Variants in UBE2M observed in about 807,000 individuals in gnomAD.
UBE2M encodes NEDD8-conjugating enzyme Ubc12.
In UBE2M, 2 loss-of-function variants were observed where a neutral mutation model predicts 23.5. The ratio of observed to expected loss-of-function variants is 0.09; its 90% CI spans 0.03 to 0.27. The LOEUF (loss-of-function observed/expected upper bound fraction) is 0.27. Ranked by LOEUF, UBE2M falls within the 10% of genes least tolerant of loss-of-function variation. The pLI is 1.00. For synonymous variants in UBE2M, 97 were observed against 95.2 expected, an observed-to-expected ratio of 1.02 and a Z score of -0.11; for missense variants, 103 against 232.9, an observed-to-expected ratio of 0.44 and a Z score of 3.63.
rs767937757 is a variant in UBE2M at position 58,556,193 on chromosome 19, C to T, written c.448G>A (p.Ala150Thr). 6.2e-7 allele frequency: 1 copy of T among 1,614,132 alleles called. No homozygotes were observed. The highest frequency in any genetic ancestry group is 8.5e-7 in the Non-Finnish European group (1 of 1,180,012). Reference protein sequence around the residue: ...NPEDPLNKEAAEVLQNNRRLF... With the variant: ...NPEDPLNKEATEVLQNNRRLF... ...CGCCGGTTGTTCTGCAGGACCTCTGCGGCCTCCTTGTTCAGTGGGTCCTCG... is the reference window on the plus strand; with the variant it reads ...CGCCGGTTGTTCTGCAGGACCTCTGTGGCCTCCTTGTTCAGTGGGTCCTCG... Residue 150 changes from alanine to threonine, a missense_variant, in exon 6 of 6, where the codon GCA (alanine) becomes ACA (threonine). Transcript: ENST00000253023. The surrounding 1 kb of genome is among the most constrained non-coding windows in gnomAD (Gnocchi z 4.9).
rs2053896408 is a variant in UBE2M, at chr19:58,557,072, A to G, written c.195T>C (p.Cys65=). 1.2e-6 allele frequency: 2 copies of G among 1,613,884 alleles called. No homozygotes were observed. Among genetic ancestry groups the G allele is most frequent in the Non-Finnish European group, 1.7e-6 (2 of 1,179,960 alleles). ...DDLLNFKLVI[C]PDEGFYKSGK... is the part of the protein sequence containing the mutation. ...CCATATGCACCCTCACCTCATCAGG[A>G]CAGATGACCAGCTTGAAGTTGAGGA... Residue 65 remains cysteine (C), a synonymous_variant, in exon 2 of 6, where the codon TGT becomes TGC. Transcript: ENST00000253023.
In UBE2M at chr19:58,558,113, G is replaced by A. The variant is rs1359410934; in HGVS notation, c.109+160C>T. ...TCTGACCCCCTCCCCGTGACTGCAT[G>A]ATCCCAACCCTCAAGACTTGACCTC... is the stretch of plus-strand genomic sequence containing the variant. On this transcript the variant is annotated intron_variant, in intron 1 of 5. Coordinates refer to ENST00000253023, the MANE Select transcript of UBE2M (RefSeq NM_003969.4). The surrounding 1 kb of genome is among the most constrained non-coding windows in gnomAD (Gnocchi z 4.7). Among the ~76,000 whole-genome samples, 1 of 150,606 alleles carries A rather than the reference G, an allele frequency of 6.6e-6. No homozygotes were observed. Among genetic ancestry groups the A allele is most frequent in the Non-Finnish European group, 1.5e-5 (1 of 67,652 alleles).
chr19:58,557,125 C>G lies in UBE2M; in HGVS notation c.142G>C (p.Asp48His), dbSNP rs1418848976. The change falls in exon 2 of 6, where the codon GAT becomes CAT. Residue 48 changes from aspartate to histidine, a missense_variant. Around this residue, in one of 3 missense-constraint regions of UBE2M, gnomAD observed 57 missense variants for 103.3 expected, o/e 0.55. Coordinates refer to ENST00000253023, the MANE Select transcript of UBE2M (RefSeq NM_003969.4). ...INELNLPKTC[D>H]ISFSDPDDLL... ...TCGTCTGGATCTGAGAAGCTGATATCACACGTCTTGGGCAGGTTCAGCTCG... is the reference window on the plus strand; with the variant it reads ...TCGTCTGGATCTGAGAAGCTGATATGACACGTCTTGGGCAGGTTCAGCTCG... The G allele has an allele frequency of 6.2e-7, 1 of 1,614,032 alleles. No individual in the cohort carries two copies. Among genetic ancestry groups the G allele is most frequent in the Admixed American group, 1.7e-5 (1 of 60,020 alleles).
At chr19:58,557,479 C>T (rs911610731) in intron 1 of UBE2M, among the ~76,000 whole-genome samples, 3 of 151,958 alleles carry the variant, frequency 2.0e-5, no homozygotes, top group East Asian at 1.9e-4. Context: ...ATCCTCTGAC[C>T]GCCCTAAACC....
chr19:58,556,384 G>A lies in UBE2M; in HGVS notation c.348-5C>T, dbSNP rs754591172. On this transcript the variant is annotated splice_region_variant and splice_polypyrimidine_tract_variant and intron_variant, in intron 4 of 5. Transcript: ENST00000253023. The surrounding 1 kb of genome is among the most constrained non-coding windows in gnomAD (Gnocchi z 4.9). ...AGGACTGGCTTCCAGTCCTCTCTGT[G>A]GACAGAGAGCATCAGGGTCAGGGCT... 6.2e-7 allele frequency: 1 copy of A among 1,613,244 alleles called. No individual in the cohort carries two copies. Among genetic ancestry groups the A allele is most frequent in the Non-Finnish European group, 8.5e-7 (1 of 1,179,712 alleles).
At position 58,556,582 on chromosome 19, in the gene UBE2M, A is replaced by G. The variant is rs1307135989; in HGVS notation, c.347+105T>C. The G allele has an allele frequency of 8.4e-6, 10 of 1,184,104 alleles. No individual in the cohort carries two copies. Among genetic ancestry groups the G allele is most frequent in the Non-Finnish European group, 1.1e-5 (9 of 845,294 alleles). 73.3% of individuals were successfully genotyped at this position (1,184,104 alleles called of 1,614,324 possible). ...ACTGGGAAATCAAGAAACCACAGACAACAAAGGGGTGGGAAGGGACAGAGT... is the reference window on the plus strand; with the variant it reads ...ACTGGGAAATCAAGAAACCACAGACGACAAAGGGGTGGGAAGGGACAGAGT... On this transcript the variant is annotated intron_variant, in intron 4 of 5. Transcript: ENST00000253023. The surrounding 1 kb of genome is among the most constrained non-coding windows in gnomAD (Gnocchi z 4.9).
intron 1 of UBE2M, 57 bp from the exon 2 acceptor site, chr19:58,557,214 G>C: frequency 1.1e-5 from 17 of 1,491,286 alleles, no homozygotes; most frequent in Middle Eastern, 2.2e-4. Context: ...GAGAGAGAGA[G>C]AGGGAGCCAG....
Position 58,558,351 on chromosome 19 carries a change from T to G in UBE2M, c.31A>C (p.Lys11Gln), listed in dbSNP as rs771924586. Residue 11 changes from lysine to glutamine, a missense_variant, in exon 1 of 6, where the codon AAG (lysine) becomes CAG (glutamine). This residue lies in a region of UBE2M where 57 missense variants were observed against 103.3 expected (regional missense o/e 0.55). Coordinates refer to ENST00000253023, the MANE Select transcript of UBE2M (RefSeq NM_003969.4). This position sits in a 1 kb window ranked among gnomAD's most constrained non-coding sequence, Gnocchi z 4.7. MIKLFSLKQQ[K>Q]KEEESAGGTK... ...CCGCCCGCCGACTCCTCCTCCTTCT[T>G]CTGCTGCTTCAGCGAGAACAGCTTG... 135 of 1,584,790 alleles carry G rather than the reference T, an allele frequency of 8.5e-5. No individual in the cohort carries two copies. The highest frequency in any genetic ancestry group is 3.4e-4 in the Middle Eastern group (2 of 5,968).
Position 58,558,265 on chromosome 19 carries a change from C to G in UBE2M, c.109+8G>C, listed in dbSNP as rs765856505. ...CTCCGGCTCCAACCCCATCCCCTGA[C>G]CCCCTACCCTTCTGGATCCGCAGCT... On this transcript the variant is annotated splice_region_variant and intron_variant, in intron 1 of 5. Transcript: ENST00000253023. The surrounding 1 kb of genome is among the most constrained non-coding windows in gnomAD (Gnocchi z 4.7). 1 of 1,600,118 alleles carries G rather than the reference C, an allele frequency of 6.2e-7. No homozygotes were observed. Among genetic ancestry groups the G allele is most frequent in the Non-Finnish European group, 8.5e-7 (1 of 1,173,940 alleles).
At position 58,556,062 on chromosome 19, in the gene UBE2M, C is replaced by T. The variant is rs776296840; in HGVS notation, c.*27G>A. ...TGCAGGGGATGCCAGGGCTTGTGGC[C>T]GTGGCGGGGGTGGGTATGCGCCAAC... is the stretch of plus-strand genomic sequence containing the variant. On this transcript the variant is annotated 3_prime_UTR_variant, in exon 6 of 6. Transcript: ENST00000253023. This position sits in a 1 kb window ranked among gnomAD's most constrained non-coding sequence, Gnocchi z 4.9. The T allele has an allele frequency of 9.4e-6, 15 of 1,589,308 alleles. No individual in the cohort carries two copies. The highest frequency in any genetic ancestry group is 8.1e-5 in the African/African-American group (6 of 74,508).
chr19:58,558,355 C>G lies in UBE2M; in HGVS notation c.27G>C (p.Gln9His). 2 of 1,589,040 alleles carry G rather than the reference C, an allele frequency of 1.3e-6. No homozygotes were observed. Among genetic ancestry groups the G allele is most frequent in the Non-Finnish European group, 1.7e-6 (2 of 1,170,212 alleles). The stretch of plus-strand genomic sequence containing the variant: ...CCGCCGACTCCTCCTCCTTCTTCTG[C>G]TGCTTCAGCGAGAACAGCTTGATCA... MIKLFSLK[Q>H]QKKEEESAGG... Residue 9 changes from glutamine to histidine, a missense_variant, in exon 1 of 6, where the codon CAG (glutamine) becomes CAC (histidine). Coordinates refer to ENST00000253023, the MANE Select transcript of UBE2M (RefSeq NM_003969.4). The surrounding 1 kb of genome is among the most constrained non-coding windows in gnomAD (Gnocchi z 4.7).
In UBE2M at chr19:58,557,172, CAG is replaced by C; in HGVS notation, c.110-17_110-16del. 5 of 1,612,796 alleles carry C rather than the reference CAG, an allele frequency of 3.1e-6. No individual in the cohort carries two copies. The South Asian group carries it at 3.3e-5, about 11-fold the overall frequency. ...CTCGTTTATGTCTGGGTTTGGGTAGCAGAGAGTCGGGAACAGAAAGAGGGAGG... is the reference window on the plus strand; with the variant it reads ...CTCGTTTATGTCTGGGTTTGGGTAGCAGAGTCGGGAACAGAAAGAGGGAGG... On this transcript the variant is annotated splice_polypyrimidine_tract_variant and intron_variant, in intron 1 of 5. Transcript: ENST00000253023.
At position 58,556,839 on chromosome 19, in the gene UBE2M, T is replaced by C; in HGVS notation, c.244-49A>G. ...AGATGGGTAGGTGCCTGGAAGGGCC[T>C]CAGCTGCTGCCTCCTCTGTCCAGGG... On this transcript the variant is annotated intron_variant, in intron 3 of 5. Coordinates refer to ENST00000253023, the MANE Select transcript of UBE2M (RefSeq NM_003969.4). The surrounding 1 kb of genome is among the most constrained non-coding windows in gnomAD (Gnocchi z 4.9). 5.0e-6 allele frequency: 8 copies of C among 1,613,524 alleles called. No homozygotes were observed. The highest frequency in any genetic ancestry group is 6.8e-6 in the Non-Finnish European group (8 of 1,179,694).
chr19:58,556,287 C>T lies in UBE2M; in HGVS notation c.411+29G>A, dbSNP rs1219205073. 2 of 1,613,962 alleles carry T rather than the reference C, an allele frequency of 1.2e-6. No homozygotes were observed. The highest frequency in any genetic ancestry group is 4.5e-5 in the East Asian group (2 of 44,890). The stretch of plus-strand genomic sequence containing the variant: ...GCCAGAGGGACAGAAGGCCAATCTC[C>T]CCAGACCCAACCACCTATTCCTACT... On this transcript the variant is annotated intron_variant, in intron 5 of 5. Transcript: ENST00000253023. This position sits in a 1 kb window ranked among gnomAD's most constrained non-coding sequence, Gnocchi z 4.9.
rs1171747973 is a variant in UBE2M, at chr19:58,558,462, C to T, written c.-81G>A. 2.6e-5 allele frequency: 20 copies of T among 759,634 alleles called. No homozygotes were observed. The highest frequency in any genetic ancestry group is 3.0e-5 in the Non-Finnish European group (19 of 625,036). 47.1% of individuals were successfully genotyped at this position (759,634 alleles called of 1,614,324 possible). ...GGCCCCCCGCCGCCGCCCGCGTCGC[C>T]TCCGCTCCTCGGACCCGCAGCTGCG... On this transcript the variant is annotated 5_prime_UTR_variant, in exon 1 of 6. Coordinates refer to ENST00000253023, the MANE Select transcript of UBE2M (RefSeq NM_003969.4). This position sits in a 1 kb window ranked among gnomAD's most constrained non-coding sequence, Gnocchi z 4.7.
chr19:58,556,229 C>T lies in UBE2M; in HGVS notation c.412G>A (p.Glu138Lys). The change falls in exon 6 of 6, where the codon GAG becomes AAG. Residue 138 changes from glutamate (E) to lysine (K), a missense_variant and splice_region_variant. Glu to Lys is a moderately conservative substitution (Grantham distance 56). This residue lies in a region of UBE2M where 12 missense variants were observed against 84.0 expected (regional missense o/e 0.14). Coordinates refer to ENST00000253023, the MANE Select transcript of UBE2M (RefSeq NM_003969.4). The surrounding 1 kb of genome is among the most constrained non-coding windows in gnomAD (Gnocchi z 4.9). ...TTCAGTGGGTCCTCGGGGTTGGGCT[C>T]CTGTGGCCAGTACAGGTAGGGGGGG... ...IIYGLQYLFL[E>K]PNPEDPLNKE... 6.2e-7 allele frequency: 1 copy of T among 1,614,106 alleles called. No individual in the cohort carries two copies. Among genetic ancestry groups the T allele is most frequent in the Non-Finnish European group, 8.5e-7 (1 of 1,179,982 alleles).
chr19:58,556,244 G>C lies in UBE2M; in HGVS notation c.412-15C>G, dbSNP rs781035850. ...GGGTTGGGCTCCTGTGGCCAGTACA[G>C]GTAGGGGGGGTCAACAGGCCAGAGG... is the stretch of plus-strand genomic sequence containing the variant. On this transcript the variant is annotated splice_polypyrimidine_tract_variant and intron_variant, in intron 5 of 5. Coordinates refer to ENST00000253023, the MANE Select transcript of UBE2M (RefSeq NM_003969.4). The surrounding 1 kb of genome is among the most constrained non-coding windows in gnomAD (Gnocchi z 4.9). 1 of 1,613,824 alleles carries C rather than the reference G, an allele frequency of 6.2e-7. No homozygotes were observed. The highest frequency in any genetic ancestry group is 1.7e-5 in the Admixed American group (1 of 60,008).
In UBE2M at chr19:58,556,008, A is replaced by G; in HGVS notation, c.*81T>C. The G allele has an allele frequency of 6.5e-7, 1 of 1,537,730 alleles. No homozygotes were observed. Among genetic ancestry groups the G allele is most frequent in the Non-Finnish European group, 8.8e-7 (1 of 1,135,572 alleles). ...GATTCCCCCACCGGCCGCCCCCCAA[A>G]CCCCTACCCATGGCCCCCAATAAAT... is the stretch of plus-strand genomic sequence containing the variant. On this transcript the variant is annotated 3_prime_UTR_variant, in exon 6 of 6. Coordinates refer to ENST00000253023, the MANE Select transcript of UBE2M (RefSeq NM_003969.4). The surrounding 1 kb of genome is among the most constrained non-coding windows in gnomAD (Gnocchi z 4.9).
Position 58,556,467 on chromosome 19 carries a change from A to G in UBE2M, c.348-88T>C. ...GTGTTGGGCAGGTCAGATCCAGGGCATAGGAGAGTGAGCATGTGAGAGGCT... is the reference window on the plus strand; with the variant it reads ...GTGTTGGGCAGGTCAGATCCAGGGCGTAGGAGAGTGAGCATGTGAGAGGCT... On this transcript the variant is annotated intron_variant, in intron 4 of 5. Coordinates refer to ENST00000253023, the MANE Select transcript of UBE2M (RefSeq NM_003969.4). The surrounding 1 kb of genome is among the most constrained non-coding windows in gnomAD (Gnocchi z 4.9). 7.0e-7 allele frequency: 1 copy of G among 1,422,412 alleles called. No individual in the cohort carries two copies. Among genetic ancestry groups the G allele is most frequent in the Non-Finnish European group, 9.8e-7 (1 of 1,019,986 alleles). The allele number at this position is 1,422,412 out of a possible 1,614,324, so 88.1% of individuals were successfully genotyped here.
Sources: allele counts gnomAD v4.1 joint callset (sites outside exome capture counted in the v4.1 genomes callset), GRCh38; gene constraint gnomAD v4.1.1; regional missense constraint gnomAD v4.1.1; non-coding constraint Gnocchi (gnomAD v3.1); transcripts MANE v1.5; gene names NCBI Gene and HGNC (gene_info 2026-07-23, HGNC 2026-07-21).